KCTD1: variants seen among roughly 807,000 people sequenced by gnomAD.
The protein encoded by KCTD1 is potassium channel tetramerization domain containing 1.
A neutral mutation model predicts 66.0 loss-of-function variants in KCTD1; 24 were observed. The ratio of observed to expected loss-of-function variants is 0.36; its 90% CI spans 0.26 to 0.51. The LOEUF (loss-of-function observed/expected upper bound fraction) is 0.51, where lower values mean the gene tolerates loss of function less well. KCTD1 is among the 20% of genes least tolerant of loss of function. KCTD1 has a pLI of 0.95. For missense variants in KCTD1, 943 were observed against 1,205.2 expected (o/e 0.78, Z 3.22); for synonymous variants, 511 against 517.2 (o/e 0.99, Z 0.16).
intron 1 of KCTD1, among the ~76,000 whole-genome samples, chr18:26,647,333 C>CCCG (rs1568020041): frequency 1.8e-5 from 2 of 112,258 alleles, no homozygotes; most frequent in African/African-American, 5.5e-5. Flanking sequence ...ATAGTGAAAC[C>CCCG]CCCCCCCCAT....
At chr18:26,491,344 A>G (rs1187402927) in intron 2 of KCTD1, among the ~76,000 whole-genome samples, 1 of 152,170 alleles carries the variant, frequency 6.6e-6, no homozygotes. Context: ...TCCGGTGGGC[A>G]CACAGTGCAA....
chr18:26,633,946 G>A (rs56073567), upstream of KCTD1, among the ~76,000 whole-genome samples: 964 of 152,258 alleles, frequency 6.3e-3, 5 homozygotes, highest in Non-Finnish European at 0.011. Flanking sequence ...AGAAGAATAA[G>A]CAAACTGTGG....
intron 1 of KCTD1, among the ~76,000 whole-genome samples, chr18:26,588,570 T>C (rs1986523309): frequency 6.6e-6 from 1 of 152,140 alleles, no homozygotes; most frequent in South Asian, 2.1e-4. Flanking sequence ...AGGGTGACAA[T>C]TGCCTAGGGA....
intron 2 of KCTD1, among the ~76,000 whole-genome samples, chr18:26,489,713 C>T (rs576754507): frequency 6.6e-6 from 1 of 152,122 alleles, no homozygotes; most frequent in Admixed American, 6.5e-5. Flanking sequence ...TTTCTTCCAG[C>T]CTAGCATACG....
chr18:26,543,601 C>A (rs1456748269), intron 1 of KCTD1: 2 of 152,292 alleles, frequency 1.3e-5, no homozygotes, highest in Non-Finnish European at 2.9e-5. Context: ...CAGCCTGCTG[C>A]AGTTTCCACT....
intron 1 of KCTD1, among the ~76,000 whole-genome samples, chr18:26,508,787 G>A (rs1020284164): frequency 6.6e-6 from 1 of 151,968 alleles, no homozygotes; most frequent in African/African-American, 2.4e-5. Context: ...ATATGGGAAT[G>A]TTCTGATTAA....
intron 2 of KCTD1, among the ~76,000 whole-genome samples, chr18:26,478,630 C>G (rs936350634): frequency 2.6e-5 from 4 of 152,134 alleles, no homozygotes; most frequent in African/African-American, 9.7e-5. Flanking sequence ...TACGCTTGCA[C>G]AGAATGAGTG....
intron 1 of KCTD1, among the ~76,000 whole-genome samples, chr18:26,506,597 G>A (rs1983049525): frequency 6.6e-6 from 1 of 152,208 alleles, no homozygotes; most frequent in South Asian, 2.1e-4. Flanking sequence ...ACAGAAGCTT[G>A]TATGTTGATC....
upstream of KCTD1, chr18:26,548,760 G>A (rs1985409944): frequency 2.7e-6 from 3 of 1,121,428 alleles, no homozygotes; most frequent in South Asian, 9.0e-5. Flanking sequence ...CGGAGAGATA[G>A]GGTAAAGGAC....
intron 1 of KCTD1, chr18:26,544,375 A>G (rs1985114498): frequency 6.6e-6 from 1 of 152,252 alleles, no homozygotes; most frequent in Non-Finnish European, 1.5e-5. Context: ...AATGCATTTA[A>G]AGAAGCAGGC....
At chr18:26,544,477 A>C (rs1985119331) in intron 1 of KCTD1, 1 of 152,264 alleles carries the variant, frequency 6.6e-6, no homozygotes, top group African/African-American at 2.4e-5. Flanking sequence ...AAGATGGTCA[A>C]CAGTGGAATT....
At chr18:26,645,372 C>T (rs1442352276) in intron 1 of KCTD1, among the ~76,000 whole-genome samples, 9 of 152,116 alleles carry the variant, frequency 5.9e-5, no homozygotes, top group Admixed American at 5.9e-4. Flanking sequence ...GCCTCAGCCT[C>T]CTGAGTAGCT....
At chr18:26,587,853 T>C (rs186744250) in intron 1 of KCTD1, among the ~76,000 whole-genome samples, 138 of 152,344 alleles carry the variant, frequency 9.1e-4, no homozygotes, top group African/African-American at 3.2e-3. Flanking sequence ...CGTTAACAGA[T>C]GTGGAGTTGT....
intron 4 of KCTD1, chr18:26,457,452 A>G (rs1194026995): frequency 6.6e-6 from 1 of 152,238 alleles, no homozygotes; most frequent in Non-Finnish European, 1.5e-5. Context: ...CATGATTAGG[A>G]GAGGAAATCC....
At position 26,524,154 on chromosome 18, in the gene KCTD1, A is replaced by G. The variant is rs373527212; in HGVS notation, c.1809+22574T>C. 7.2e-5 allele frequency among the ~76,000 whole-genome samples: 11 copies of G among 152,340 alleles called. 1 individual carries two copies. In the South Asian group the frequency reaches 1.7e-3, roughly 23 times the overall value. On this transcript the variant is annotated intron_variant, in intron 1 of 4. Coordinates refer to ENST00000580059, the MANE Select transcript of KCTD1 (RefSeq NM_001142730.3). ...TCCTACCCATAACAACTGGATTAGGATCTAGACCTCACCAGGCACACATTG... is the reference window on the plus strand; with the variant it reads ...TCCTACCCATAACAACTGGATTAGGGTCTAGACCTCACCAGGCACACATTG...
At chr18:26,458,263 G>C (rs1980210782) in intron 4 of KCTD1, 1 of 152,210 alleles carries the variant, frequency 6.6e-6, no homozygotes, top group African/African-American at 2.4e-5. Flanking sequence ...CTGCTCTTCT[G>C]TTCTCAGACA....
chr18:26,498,689 G>A (rs1416811213), intron 2 of KCTD1, among the ~76,000 whole-genome samples: 2 of 151,826 alleles, frequency 1.3e-5, no homozygotes, highest in Admixed American at 6.6e-5. Flanking sequence ...GCTGTACGTG[G>A]CTACTGGCTA....
intron 1 of KCTD1, among the ~76,000 whole-genome samples, chr18:26,571,163 G>A (rs1306675234): frequency 6.6e-6 from 1 of 152,112 alleles, no homozygotes; most frequent in Non-Finnish European, 1.5e-5. Flanking sequence ...CTAATTAGAG[G>A]GTGGAGACCG....
intron 3 of KCTD1, chr18:26,460,728 G>A (rs963279615): frequency 1.3e-5 from 2 of 152,186 alleles, no homozygotes; most frequent in African/African-American, 4.8e-5. Context: ...CTTTTGGCAT[G>A]GTTTCCTTTC....
Sources: gnomAD v4.1 joint callset for allele counts (sites outside exome capture counted in the v4.1 genomes callset) on GRCh38, gnomAD v4.1.1 for gene constraint, MANE v1.5 for transcripts, NCBI Gene and HGNC (gene_info 2026-07-23, HGNC 2026-07-21) for gene names.